CLDN10: variants seen among roughly 807,000 people sequenced by gnomAD.
The protein encoded by CLDN10 is claudin-10.
A neutral mutation model predicts 22.9 loss-of-function variants in CLDN10; 15 were observed. The ratio of observed to expected loss-of-function variants is 0.65; its 90% CI spans 0.44 to 1.01. The LOEUF (loss-of-function observed/expected upper bound fraction) is 1.01. CLDN10 is among the 50% of genes least tolerant of loss of function. The pLI is 0.00. For synonymous variants in CLDN10, 114 were observed against 111.4 expected (o/e 1.02, Z -0.15); for missense variants, 247 against 287.8 (o/e 0.86, Z 1.03).
intron 1 of CLDN10, among the ~76,000 whole-genome samples, chr13:95,489,131 T>G (rs207474276): frequency 6.6e-6 from 1 of 152,048 alleles, no homozygotes; most frequent in Middle Eastern, 3.4e-3. Flanking sequence ...TACTTTTTAG[T>G]AGAAATGGGG....
chr13:95,489,366 G>A (rs1465164081), intron 1 of CLDN10, among the ~76,000 whole-genome samples: 4 of 152,002 alleles, frequency 2.6e-5, no homozygotes, highest in African/African-American at 9.7e-5. Flanking sequence ...CCTGTTCACT[G>A]CACCCATGCC....
rs1226693577 is a variant in CLDN10 at position 95,578,013 on chromosome 13, A to G, written c.686A>G (p.Ter229=). The G allele has an allele frequency of 6.3e-7, 1 of 1,586,832 alleles. No individual in the cohort carries two copies. Among genetic ancestry groups the G allele is most frequent in the Non-Finnish European group, 8.6e-7 (1 of 1,156,458 alleles). ...CAGTTTGATAAAAATGCTTATGTCT[A>G]AAAGAGCTCGCTGGCAAGCTGCCTC... is the stretch of plus-strand genomic sequence containing the variant. The part of the protein sequence containing the change: ...SKQFDKNAYV[*] Residue 229 remains the stop codon, a stop_retained_variant, in exon 5 of 5, where the codon TAA becomes TGA. Transcript: ENST00000299339.
At chr13:95,458,311 G>A (rs929750884) in intron 1 of CLDN10, among the ~76,000 whole-genome samples, 1 of 152,192 alleles carries the variant, frequency 6.6e-6, no homozygotes, top group South Asian at 2.1e-4. Flanking sequence ...TTGAGACAAA[G>A]TGTTGCTCTG....
Position 95,578,047 on chromosome 13 carries a change from G to T in CLDN10, c.*33G>T, listed in dbSNP as rs998424617. 2.3e-6 allele frequency: 3 copies of T among 1,307,592 alleles called. No individual in the cohort carries two copies. The highest frequency in any genetic ancestry group is 2.2e-6 in the Non-Finnish European group (2 of 910,694). The allele number at this position is 1,307,592 out of a possible 1,614,324, so 81.0% of individuals were successfully genotyped here. ...CGCTGGCAAGCTGCCTCTTGAGTTT[G>T]TTATAAAAGCGAACTGTTCACAAAA... On this transcript the variant is annotated 3_prime_UTR_variant, in exon 5 of 5. Coordinates refer to ENST00000299339, the MANE Select transcript of CLDN10 (RefSeq NM_006984.5).
chr13:95,524,511 T>C (rs2043257903), intron 1 of CLDN10, among the ~76,000 whole-genome samples: 1 of 152,238 alleles, frequency 6.6e-6, no homozygotes, highest in Non-Finnish European at 1.5e-5. Flanking sequence ...GGTTAAATGA[T>C]ATTCCATTGT....
chr13:95,521,836 A>G (rs2043227007), intron 1 of CLDN10, among the ~76,000 whole-genome samples: 1 of 152,044 alleles, frequency 6.6e-6, no homozygotes. Context: ...TCTCTCAGTT[A>G]TGAATTGTTA....
At chr13:95,538,080 C>A (rs2043419188) in intron 1 of CLDN10, among the ~76,000 whole-genome samples, 1 of 149,534 alleles carries the variant, frequency 6.7e-6, no homozygotes, top group African/African-American at 2.5e-5. Context: ...ACCAACATGA[C>A]AACAAGAGCC....
chr13:95,554,539 A>C (rs375060702), intron 1 of CLDN10, among the ~76,000 whole-genome samples: 85 of 152,290 alleles, frequency 5.6e-4, no homozygotes, highest in Middle Eastern at 6.8e-3. Context: ...GGAAGTAGGA[A>C]TAGTTGTCCT....
chr13:95,539,205 T>G (rs964534913), intron 1 of CLDN10, among the ~76,000 whole-genome samples: 1 of 152,126 alleles, frequency 6.6e-6, no homozygotes, highest in East Asian at 1.9e-4. Flanking sequence ...CTAAAACATT[T>G]TATTGCTCTC....
At chr13:95,545,422 T>C (rs1350935578) in intron 1 of CLDN10, among the ~76,000 whole-genome samples, 1 of 151,834 alleles carries the variant, frequency 6.6e-6, no homozygotes, top group African/African-American at 2.4e-5. Flanking sequence ...ACATGCCTGG[T>C]ATCCCAGCTA....
Position 95,560,384 on chromosome 13 carries a change from C to T in CLDN10, c.385C>T (p.Leu129=). The T allele has an allele frequency of 1.2e-6, 2 of 1,613,664 alleles. No individual in the cohort carries two copies. Among genetic ancestry groups the T allele is most frequent in the Non-Finnish European group, 1.7e-6 (2 of 1,179,548 alleles). ...LAGIVFILSG[L]CSMTGCSLYA... is the part of the protein sequence containing the mutation. The stretch of plus-strand genomic sequence containing the variant: ...GCTTTCCCTCTAATATTTGTTAGGG[C>T]TGTGCTCAATGACTGGATGTTCCCT... The change falls in exon 3 of 5, where the codon CTG becomes TTG. Residue 129 remains leucine, a splice_region_variant and synonymous_variant. Transcript: ENST00000299339.
At chr13:95,477,808 C>T (rs561702133) in intron 1 of CLDN10, among the ~76,000 whole-genome samples, 3 of 152,206 alleles carry the variant, frequency 2.0e-5, no homozygotes, top group Non-Finnish European at 2.9e-5. Flanking sequence ...GTATCTTAAG[C>T]CATGATAAGT....
chr13:95,463,104 A>G (rs4337173), intron 1 of CLDN10, among the ~76,000 whole-genome samples: 2,352 of 151,810 alleles, frequency 0.015, 71 homozygotes, highest in African/African-American at 0.054. Flanking sequence ...ACATCTCTCT[A>G]TAATAATATC....
chr13:95,500,213 G>A (rs2042970722), intron 1 of CLDN10, among the ~76,000 whole-genome samples: 1 of 152,110 alleles, frequency 6.6e-6, no homozygotes. Flanking sequence ...CTATTGAAGT[G>A]GAGAGACACA....
At position 95,577,970 on chromosome 13, in the gene CLDN10, A is replaced by G; in HGVS notation, c.643A>G (p.Thr215Ala). Residue 215 changes from threonine (T) to alanine (A), a missense_variant, in exon 5 of 5, where the codon ACA becomes GCA. Coordinates refer to ENST00000299339, the MANE Select transcript of CLDN10 (RefSeq NM_006984.5). ...TKYHGGEDFK[T>A]TNPSKQFDKN... ...GTATCATGGTGGAGAAGATTTTAAA[A>G]CAACAAACCCTTCAAAACAGTTTGA... 1.9e-6 allele frequency: 3 copies of G among 1,613,810 alleles called. No individual in the cohort carries two copies. Among genetic ancestry groups the G allele is most frequent in the Non-Finnish European group, 2.5e-6 (3 of 1,179,738 alleles).
chr13:95,435,475 T>C (rs2042259149), intron 1 of CLDN10, among the ~76,000 whole-genome samples: 1 of 152,212 alleles, frequency 6.6e-6, no homozygotes, highest in African/African-American at 2.4e-5. Context: ...AGATTTCTAA[T>C]GACAATCAAA....
intron 1 of CLDN10, among the ~76,000 whole-genome samples, chr13:95,444,255 G>A (rs1386365225): frequency 5.3e-5 from 8 of 152,300 alleles, no homozygotes; most frequent in Non-Finnish European, 8.8e-5. Flanking sequence ...CCTTGTGCAT[G>A]TTTAGGTAAT....
chr13:95,466,134 C>T (rs2042579505), intron 1 of CLDN10, among the ~76,000 whole-genome samples: 1 of 151,658 alleles, frequency 6.6e-6, no homozygotes, highest in Non-Finnish European at 1.5e-5. Flanking sequence ...ATATATATAA[C>T]ATAAAATTTG....
intron 1 of CLDN10, among the ~76,000 whole-genome samples, chr13:95,444,523 C>A (rs2042353747): frequency 6.6e-6 from 1 of 152,158 alleles, no homozygotes; most frequent in South Asian, 2.1e-4. Flanking sequence ...AACCATTTGG[C>A]AATTAGCCCA....
Sources: gnomAD v4.1 joint callset for allele counts (sites outside exome capture counted in the v4.1 genomes callset) on GRCh38, gnomAD v4.1.1 for gene constraint, MANE v1.5 for transcripts, NCBI Gene and HGNC (gene_info 2026-07-23, HGNC 2026-07-21) for gene names.